Variants in MINDY3 observed in about 807,000 individuals in gnomAD.
MINDY3 encodes MINDY lysine 48 deubiquitinase 3.
Under a neutral mutation model 69.2 loss-of-function variants are expected in MINDY3, and 38 were observed. The ratio of observed to expected loss-of-function variants is 0.55; its 90% CI spans 0.42 to 0.72. The LOEUF (loss-of-function observed/expected upper bound fraction) is 0.72. MINDY3 is among the 30% of genes least tolerant of loss of function. The pLI is 0.00. For synonymous variants in MINDY3, 192 were observed against 180.1 expected (o/e 1.07, Z -0.53); for missense variants, 522 against 519.0 (o/e 1.01, Z -0.06).
chr10:15,828,335 G>A (rs918975199), intron 8 of MINDY3, among the ~76,000 whole-genome samples: 3 of 152,160 alleles, frequency 2.0e-5, no homozygotes, highest in African/African-American at 4.8e-5. Flanking sequence ...ACCGGATAGC[G>A]TATGAGTCTA....
chr10:15,823,747 T>C (rs754232292), intron 8 of MINDY3, among the ~76,000 whole-genome samples: 56 of 152,166 alleles, frequency 3.7e-4, no homozygotes, highest in Non-Finnish European at 6.8e-4. Flanking sequence ...ATTTACTCCA[T>C]GTTACAGTAT....
intron 4 of MINDY3, among the ~76,000 whole-genome samples, chr10:15,841,190 C>T (rs1245112643): frequency 6.6e-6 from 1 of 150,766 alleles, no homozygotes; most frequent in Non-Finnish European, 1.5e-5. Flanking sequence ...AGAAGTTAAC[C>T]AGAACATTTT....
At chr10:15,783,108 G>A (rs191643083) in intron 13 of MINDY3, among the ~76,000 whole-genome samples, 18 of 152,286 alleles carry the variant, frequency 1.2e-4, no homozygotes, top group African/African-American at 4.1e-4. Context: ...GGCAACTGGA[G>A]CTTCAGCTCC....
chr10:15,837,096 T>G, intron 6 of MINDY3, 108 bp downstream of exon 6: 1 of 622,718 alleles, frequency 1.6e-6, no homozygotes, highest in South Asian at 2.5e-5. Context: ...AAGATTTTTA[T>G]TCTAAGAATT....
At chr10:15,783,506 A>G (rs969775307) in intron 13 of MINDY3, among the ~76,000 whole-genome samples, 5 of 151,786 alleles carry the variant, frequency 3.3e-5, no homozygotes, top group African/African-American at 1.2e-4. Flanking sequence ...CTTTTTCCAG[A>G]CCTGGTTTAA....
intron 9 of MINDY3, among the ~76,000 whole-genome samples, chr10:15,820,755 C>T (rs1161980589): frequency 5.3e-5 from 8 of 152,146 alleles, no homozygotes; most frequent in African/African-American, 1.7e-4. Context: ...CCATGATTAT[C>T]GTTATTACAT....
In MINDY3 at chr10:15,778,409, A is replaced by G. The variant is rs1339491379; in HGVS notation, c.*583T>C. 1 of 152,238 alleles carries G rather than the reference A, an allele frequency of 6.6e-6. No homozygotes were observed. The highest frequency in any genetic ancestry group is 1.9e-4 in the East Asian group (1 of 5,188). 9.4% of individuals were successfully genotyped at this position (152,238 alleles called of 1,614,324 possible). A position where few individuals can be genotyped will look rare whatever the true frequency, so the allele number is the denominator to read the frequency against. ...TGTCAGTTTTTAGAATACATCCCCT[A>G]TACATCTGTGAATAAATGGTAATGG... On this transcript the variant is annotated 3_prime_UTR_variant, in exon 15 of 15. Transcript: ENST00000277632.
At chr10:15,811,054 G>C (rs1006600292) in intron 10 of MINDY3, among the ~76,000 whole-genome samples, 2 of 151,872 alleles carry the variant, frequency 1.3e-5, no homozygotes, top group Non-Finnish European at 2.9e-5. Context: ...CAAAGATGTG[G>C]AAAAATTCAG....
intron 8 of MINDY3, among the ~76,000 whole-genome samples, chr10:15,830,038 G>C (rs955126716): frequency 2.0e-5 from 3 of 152,142 alleles, no homozygotes; most frequent in African/African-American, 7.2e-5. Context: ...CGAAGACTCA[G>C]CAACTCATTA....
At chr10:15,787,500 C>T (rs1837064555) in intron 12 of MINDY3, among the ~76,000 whole-genome samples, 1 of 152,170 alleles carries the variant, frequency 6.6e-6, no homozygotes, top group African/African-American at 2.4e-5. Context: ...AGTCAACCAC[C>T]TTCCTCAGGG....
intron 10 of MINDY3, among the ~76,000 whole-genome samples, chr10:15,810,531 G>A (rs1241182846): frequency 6.6e-6 from 1 of 152,120 alleles, no homozygotes; most frequent in Non-Finnish European, 1.5e-5. Flanking sequence ...ATTGAATTCT[G>A]ATGATCCAAG....
chr10:15,836,550 A>G (rs1833097799), intron 6 of MINDY3, among the ~76,000 whole-genome samples: 1 of 151,972 alleles, frequency 6.6e-6, no homozygotes, highest in African/African-American at 2.4e-5. Context: ...TGATAGATCT[A>G]ATAGCATAGT....
intron 9 of MINDY3, among the ~76,000 whole-genome samples, chr10:15,819,096 AAGAG>A (rs766128767): frequency 5.9e-5 from 9 of 152,150 alleles, no homozygotes; most frequent in Non-Finnish European, 1.2e-4. Context: ...AGGAGGGAGA[AAGAG>A]ATTATTTCAT....
intron 8 of MINDY3, among the ~76,000 whole-genome samples, chr10:15,833,415 A>G (rs1013282982): frequency 3.9e-5 from 6 of 152,198 alleles, no homozygotes; most frequent in African/African-American, 7.2e-5. Flanking sequence ...TAACTTCACT[A>G]AAGTCATACA....
At chr10:15,802,436 G>T (rs1017979073) in intron 10 of MINDY3, among the ~76,000 whole-genome samples, 7 of 152,030 alleles carry the variant, frequency 4.6e-5, no homozygotes, top group Admixed American at 1.3e-4. Flanking sequence ...GCATGCAGGG[G>T]AAGCACCAGA....
chr10:15,821,852 C>A, intron 8 of MINDY3, 126 bp from the exon 9 acceptor site: 3 of 656,250 alleles, frequency 4.6e-6, no homozygotes, highest in Non-Finnish European at 7.5e-6. Context: ...TTACCCAAAA[C>A]TATACTTTAA....
intron 1 of MINDY3, among the ~76,000 whole-genome samples, chr10:15,849,960 G>A (rs921497252): frequency 5.3e-5 from 8 of 152,174 alleles, no homozygotes; most frequent in Non-Finnish European, 1.2e-4. Context: ...ATGAGTGAAT[G>A]TTGCGGGAAG....
At chr10:15,851,955 T>C (rs1174817147) in intron 1 of MINDY3, among the ~76,000 whole-genome samples, 1 of 152,200 alleles carries the variant, frequency 6.6e-6, no homozygotes, top group Non-Finnish European at 1.5e-5. Flanking sequence ...CCAGAGACTT[T>C]ACCTGTAGCC....
chr10:15,800,439 G>A (rs1380475062), intron 10 of MINDY3, among the ~76,000 whole-genome samples: 2 of 152,078 alleles, frequency 1.3e-5, no homozygotes, highest in Non-Finnish European at 2.9e-5. Context: ...CTATTGTGGT[G>A]AGCTTGTGTT....
Sources: gnomAD v4.1 joint callset for allele counts (sites outside exome capture counted in the v4.1 genomes callset) on GRCh38, gnomAD v4.1.1 for gene constraint, MANE v1.5 for transcripts, NCBI Gene and HGNC (gene_info 2026-07-23, HGNC 2026-07-21) for gene names.